The following TNRC18 variants were observed in gnomAD, a reference collection of about 807,000 sequenced individuals.
The protein encoded by TNRC18 is trinucleotide repeat containing 18.
In TNRC18, 69 loss-of-function variants were observed where a neutral mutation model predicts 226.7. The ratio of observed to expected loss-of-function variants is 0.30; its 90% CI spans 0.25 to 0.37. The LOEUF (loss-of-function observed/expected upper bound fraction) is 0.37. TNRC18 is among the 10% of genes least tolerant of loss of function. The pLI, the probability that TNRC18 is intolerant of heterozygous loss-of-function variation, is 1.00. For synonymous variants in TNRC18, 2,449 were observed against 1,927.6 expected, an observed-to-expected ratio of 1.27 and a Z score of -7.09; for missense variants, 4,754 against 4,256.6, an observed-to-expected ratio of 1.12 and a Z score of -3.25.
chr7:5,308,756 A>G (rs1786871043), intron 29 of TNRC18, 119 bp downstream of exon 29: 1 of 1,122,948 alleles, frequency 8.9e-7, no homozygotes, highest in Non-Finnish European at 1.3e-6. Context: ...ACAGGAGGTC[A>G]GAGGCTGAGG....
chr7:5,358,979 A>G (rs185650212), intron 15 of TNRC18, among the ~76,000 whole-genome samples: 24 of 152,360 alleles, frequency 1.6e-4, no homozygotes, highest in Non-Finnish European at 2.6e-4. Flanking sequence ...ACCCCTGGAG[A>G]GTTCAGAGAG....
chr7:5,309,391 G>A lies in TNRC18; in HGVS notation c.8389-23C>T. ...CCGCTGCAAGGACACGTGTGTCACG[G>A]CACAGGCCCTGGCCCAGCCCCAAGG... is the stretch of plus-strand genomic sequence containing the variant. On this transcript the variant is annotated intron_variant, in intron 27 of 29. Coordinates refer to ENST00000430969, the MANE Select transcript of TNRC18 (RefSeq NM_001080495.3). The surrounding 1 kb of genome is among the most constrained non-coding windows in gnomAD (Gnocchi z 5.7). 2 of 1,584,538 alleles carry A rather than the reference G, an allele frequency of 1.3e-6. No homozygotes were observed. Among genetic ancestry groups the A allele is most frequent in the East Asian group, 2.3e-5 (1 of 43,640 alleles).
chr7:5,413,223 CCA>C (rs1219610499), intron 2 of TNRC18, among the ~76,000 whole-genome samples: 1 of 152,150 alleles, frequency 6.6e-6, no homozygotes, highest in East Asian at 1.9e-4. Flanking sequence ...CTGGGCCAGA[CCA>C]CAGACTGGTT....
Position 5,375,036 on chromosome 7 carries a change from C to T in TNRC18, c.2800-552G>A, listed in dbSNP as rs1439607141. 1.3e-5 allele frequency among the ~76,000 whole-genome samples: 2 copies of T among 152,188 alleles called. 1 individual carries two copies. Among genetic ancestry groups the T allele is most frequent in the Non-Finnish European group, 2.9e-5 (2 of 68,026 alleles). ...TACACAAAACACACTAGGGGCCGGG[C>T]ACAGTGCTCCCGCCTGGAATCCCAG... is the stretch of plus-strand genomic sequence containing the variant. On this transcript the variant is annotated intron_variant, in intron 9 of 29. Coordinates refer to ENST00000430969, the MANE Select transcript of TNRC18 (RefSeq NM_001080495.3).
chr7:5,313,674 C>T lies in TNRC18; in HGVS notation c.7217G>A (p.Cys2406Tyr), dbSNP rs1451373117. 1 of 1,605,536 alleles carries T rather than the reference C, an allele frequency of 6.2e-7. No homozygotes were observed. Among genetic ancestry groups the T allele is most frequent in the Non-Finnish European group, 8.5e-7 (1 of 1,176,846 alleles). Residue 2406 changes from cysteine (C) to tyrosine (Y), a missense_variant, in exon 27 of 30, where the codon TGC becomes TAC. Physicochemically the swap from Cys to Tyr is radical, Grantham distance 194 (BLOSUM62 -2). Coordinates refer to ENST00000430969, the MANE Select transcript of TNRC18 (RefSeq NM_001080495.3). ...CTCTGCAAATGGCTCGGGTGCTGGG[C>T]AGCTGGTGAAGGCGGGTGGTGCGGG... is the stretch of plus-strand genomic sequence containing the variant. ...PSPAPPAFTS[C>Y]PAPEPFAELP...
chr7:5,375,165 C>T (rs375216817), intron 9 of TNRC18, among the ~76,000 whole-genome samples: 7 of 152,124 alleles, frequency 4.6e-5, no homozygotes, highest in African/African-American at 7.2e-5. Flanking sequence ...AAAAATTAGC[C>T]GTGCATGACA....
chr7:5,323,682 C>A (rs1193346301), intron 21 of TNRC18, among the ~76,000 whole-genome samples: 5 of 151,202 alleles, frequency 3.3e-5, no homozygotes, highest in African/African-American at 4.9e-5. Context: ...ATTCTCCTGC[C>A]CCAGCCTCCC....
chr7:5,345,523 C>CCCCCCCCCCCCCCCCCCCCCCA, intron 18 of TNRC18, 39 bp downstream of exon 18: 2 of 179,158 alleles, frequency 1.1e-5, no homozygotes, highest in Admixed American at 6.8e-5. Context: ...GTCCGCCCCT[C>CCCCCCCCCCCCCCCCCCCCCCA]CCACCCACCC....
rs572159721 is a variant in TNRC18 at position 5,325,435 on chromosome 7, T to G, written c.6148-187A>C. Reference sequence around the variant, plus strand: ...GGTTTTGGGTTTTTTTTTGTTTTTTTTTTTTTGAGACGGAGTCTCGCTCTG... The same window carrying G: ...GGTTTTGGGTTTTTTTTTGTTTTTTGTTTTTTGAGACGGAGTCTCGCTCTG... On this transcript the variant is annotated intron_variant, in intron 19 of 29. Coordinates refer to ENST00000430969, the MANE Select transcript of TNRC18 (RefSeq NM_001080495.3). 3 of 626,666 alleles carry G rather than the reference T, an allele frequency of 4.8e-6. No homozygotes were observed. The African/African-American group carries it at 5.8e-5, about 12-fold the overall frequency. The allele number at this position is 626,666 out of a possible 1,614,324, so 38.8% of individuals were successfully genotyped here. A position where few individuals can be genotyped will look rare whatever the true frequency, so the allele number is the denominator to read the frequency against.
At chr7:5,390,085 A>T in intron 4 of TNRC18, 1 of 328,794 alleles carries the variant, frequency 3.0e-6, no homozygotes. Flanking sequence ...AAAGCATCTT[A>T]GGCCACAATG....
Position 5,312,491 on chromosome 7 carries a change from G to A in TNRC18, c.8388+12C>T, listed in dbSNP as rs571203862. 72 of 1,609,290 alleles carry A rather than the reference G, an allele frequency of 4.5e-5. No individual in the cohort carries two copies. Among genetic ancestry groups the A allele is most frequent in the Non-Finnish European group, 5.2e-5 (61 of 1,178,902 alleles). Reference sequence around the variant, plus strand: ...CGGCCCCTCGGCCGTGCCCGGGCGCGAGCTTGCTCACCTGGGTGGGCTTGC... The same window carrying A: ...CGGCCCCTCGGCCGTGCCCGGGCGCAAGCTTGCTCACCTGGGTGGGCTTGC... On this transcript the variant is annotated intron_variant, in intron 27 of 29. Coordinates refer to ENST00000430969, the MANE Select transcript of TNRC18 (RefSeq NM_001080495.3). This position sits in a 1 kb window ranked among gnomAD's most constrained non-coding sequence, Gnocchi z 6.3.
At position 5,331,601 on chromosome 7, in the gene TNRC18, C is replaced by T. The variant is rs147108708; in HGVS notation, c.6147+1021G>A. 1.1e-4 allele frequency among the ~76,000 whole-genome samples: 16 copies of T among 152,264 alleles called. No homozygotes were observed. In the East Asian group the frequency reaches 2.9e-3, roughly 28 times the overall value. ...AGCACACAATAGTTACTCCAGGGAC[C>T]TTAAAACATCCTTTACACTGCTTCA... On this transcript the variant is annotated intron_variant, in intron 19 of 29. Transcript: ENST00000430969.
chr7:5,394,841 G>C lies in TNRC18; in HGVS notation c.188-246C>G, dbSNP rs923045759. On this transcript the variant is annotated intron_variant, in intron 2 of 29. Transcript: ENST00000430969. The surrounding 1 kb of genome is among the most constrained non-coding windows in gnomAD (Gnocchi z 4.5). ...ACAATACGGCAGGAAGCCCCCCACA[G>C]CAGACCCTCAGCCCTGGGCACCCCG... Among the ~76,000 whole-genome samples the C allele has an allele frequency of 6.6e-6, 1 of 152,060 alleles. No homozygotes were observed. Among genetic ancestry groups the C allele is most frequent in the African/African-American group, 2.4e-5 (1 of 41,416 alleles).
intron 4 of TNRC18, chr7:5,389,949 G>GGT: frequency 6.2e-6 from 1 of 162,400 alleles, no homozygotes; most frequent in East Asian, 1.7e-4. Context: ...AGAGACCAGG[G>GGT]TTTGTTTTCA....
At chr7:5,375,949 T>C (rs1271513814) in intron 9 of TNRC18, 85 bp downstream of exon 9, 6 of 1,345,272 alleles carry the variant, frequency 4.5e-6, no homozygotes, top group African/African-American at 2.9e-5. Flanking sequence ...CCTGTAACTG[T>C]CTGGAGATTC....
In TNRC18 at chr7:5,332,677, G is replaced by C; in HGVS notation, c.6092C>G (p.Pro2031Arg). 2 of 1,531,126 alleles carry C rather than the reference G, an allele frequency of 1.3e-6. No homozygotes were observed. The highest frequency in any genetic ancestry group is 8.8e-7 in the Non-Finnish European group (1 of 1,141,798). 94.8% of individuals were successfully genotyped at this position (1,531,126 alleles called of 1,614,324 possible). A position where few individuals can be genotyped will look rare whatever the true frequency, so the allele number is the denominator to read the frequency against. ...TKTSRCAKGG[P>R]LSPRKDAGRA... is the part of the protein sequence containing the mutation. ...CCCGGCGTCCTTGCGCGGGCTCAGG[G>C]GGCCGCCCTTGGCGCAGCGGCTGGT... The change falls in exon 19 of 30, where the codon CCC (proline) becomes CGC (arginine). Residue 2031 changes from proline (P) to arginine (R), a missense_variant. Pro to Arg is a moderately radical substitution (Grantham distance 103). Coordinates refer to ENST00000430969, the MANE Select transcript of TNRC18 (RefSeq NM_001080495.3).
chr7:5,359,358 C>T, intron 15 of TNRC18, 40 bp downstream of exon 15: 1 of 1,610,226 alleles, frequency 6.2e-7, no homozygotes, highest in South Asian at 1.1e-5. Flanking sequence ...CAGACACCTC[C>T]CTGAAAGATC....
chr7:5,337,459 G>A (rs1200149113), intron 18 of TNRC18, among the ~76,000 whole-genome samples: 1 of 149,174 alleles, frequency 6.7e-6, no homozygotes, highest in African/African-American at 2.4e-5. Flanking sequence ...ACTCCAGCCT[G>A]GGTGACAGAG....
At chr7:5,378,702 G>C (rs887340452) in intron 5 of TNRC18, among the ~76,000 whole-genome samples, 15 of 151,782 alleles carry the variant, frequency 9.9e-5, no homozygotes, top group Non-Finnish European at 1.5e-4. Context: ...ACAGGCGTGA[G>C]TCACCGAGCC....
Sources: allele counts gnomAD v4.1 joint callset (sites outside exome capture counted in the v4.1 genomes callset), GRCh38; gene constraint gnomAD v4.1.1; non-coding constraint Gnocchi (gnomAD v3.1); transcripts MANE v1.5; gene names NCBI Gene and HGNC (gene_info 2026-07-23, HGNC 2026-07-21).